The following ARHGAP44 variants were observed in gnomAD, a reference collection of about 807,000 sequenced individuals.
The protein encoded by ARHGAP44 is Rho GTPase activating protein 44, also known as rho GTPase-activating protein 44.
ARHGAP44 carries 43 observed loss-of-function variants against 106.8 expected under a neutral mutation model. The ratio of observed to expected loss-of-function variants is 0.40; its 90% CI spans 0.32 to 0.52. The LOEUF (loss-of-function observed/expected upper bound fraction) is 0.52, where lower values mean the gene tolerates loss of function less well. ARHGAP44 is among the 20% of genes least tolerant of loss of function. The pLI is 0.48. For synonymous variants in ARHGAP44, 439 were observed against 410.3 expected, an observed-to-expected ratio of 1.07 and a Z score of -0.85; for missense variants, 866 against 1,050.5, an observed-to-expected ratio of 0.82 and a Z score of 2.43.
intron 3 of ARHGAP44, among the ~76,000 whole-genome samples, chr17:12,897,581 C>T (rs916844312): frequency 1.3e-5 from 2 of 151,994 alleles, no homozygotes; most frequent in East Asian, 3.9e-4. Flanking sequence ...GCAAGAGGAA[C>T]TGTCTAAAGG....
At chr17:12,964,453 G>A (rs891346545) in intron 16 of ARHGAP44, among the ~76,000 whole-genome samples, 5 of 152,148 alleles carry the variant, frequency 3.3e-5, no homozygotes, top group African/African-American at 7.2e-5. Context: ...GGCCAGGACT[G>A]TTGAAGGACC....
At chr17:12,921,457 T>C (rs2038082698) in intron 6 of ARHGAP44, among the ~76,000 whole-genome samples, 2 of 152,208 alleles carry the variant, frequency 1.3e-5, no homozygotes, top group South Asian at 4.1e-4. Flanking sequence ...GCAATCCTTC[T>C]GCCTCAGGTC....
intron 7 of ARHGAP44, 89 bp from the exon 8 acceptor site, chr17:12,940,967 G>T: frequency 2.7e-6 from 3 of 1,130,632 alleles, no homozygotes; most frequent in East Asian, 4.8e-5. Flanking sequence ...AGTGTTTAAG[G>T]CTCTTTCTCA....
chr17:12,964,709 A>T (rs759791692), intron 16 of ARHGAP44, among the ~76,000 whole-genome samples: 3 of 152,088 alleles, frequency 2.0e-5, no homozygotes, highest in Non-Finnish European at 2.9e-5. Context: ...GCTTGAATCC[A>T]GGAGGCAGAG....
intron 16 of ARHGAP44, among the ~76,000 whole-genome samples, chr17:12,971,867 A>G (rs1424819616): frequency 6.6e-6 from 1 of 152,152 alleles, no homozygotes; most frequent in Non-Finnish European, 1.5e-5. Flanking sequence ...AAGGAAGGGG[A>G]TCAGGAAGCC....
At chr17:12,796,838 C>T (rs765059615) in intron 1 of ARHGAP44, among the ~76,000 whole-genome samples, 4 of 151,710 alleles carry the variant, frequency 2.6e-5, no homozygotes, top group Non-Finnish European at 5.9e-5. Context: ...GTCTCCTGAC[C>T]TCGTGATCTG....
intron 18 of ARHGAP44, among the ~76,000 whole-genome samples, chr17:12,977,470 C>T (rs561069857): frequency 6.6e-6 from 1 of 152,244 alleles, no homozygotes; most frequent in Non-Finnish European, 1.5e-5. Flanking sequence ...CTTTCCCTGG[C>T]TCTGTCCAGC....
intron 16 of ARHGAP44, among the ~76,000 whole-genome samples, chr17:12,970,612 C>A (rs1200433135): frequency 6.6e-6 from 1 of 152,194 alleles, no homozygotes; most frequent in Non-Finnish European, 1.5e-5. Context: ...CCTGGGAAAT[C>A]TTTGCCATCT....
intron 1 of ARHGAP44, among the ~76,000 whole-genome samples, chr17:12,841,639 C>CACAAAA (rs1555546108): frequency 1.0e-4 from 14 of 137,456 alleles, no homozygotes; most frequent in African/African-American, 4.1e-4. Flanking sequence ...CACACACACA[C>CACAAAA]AAACAAACAA....
chr17:12,830,363 C>T (rs1308663035), intron 1 of ARHGAP44, among the ~76,000 whole-genome samples: 2 of 151,860 alleles, frequency 1.3e-5, no homozygotes, highest in African/African-American at 4.8e-5. Context: ...TCTTTGACTA[C>T]TCTTGGGGTC....
At chr17:12,928,900 A>G (rs1238484387) in intron 6 of ARHGAP44, 29 bp from the exon 7 acceptor site, 1 of 1,582,502 alleles carries the variant, frequency 6.3e-7, no homozygotes, top group Non-Finnish European at 8.6e-7. Flanking sequence ...TACCTGTCTC[A>G]CATCTCTTTT....
In ARHGAP44 at chr17:12,949,094, T is replaced by C. The variant is rs2038932575; in HGVS notation, c.862-46T>C. ...GTTGCGGGGTCTCTGCGCTTTGATG[T>C]TGTACCTTGGAGTTGCTGTGCGCTG... On this transcript the variant is annotated intron_variant, in intron 10 of 20. Transcript: ENST00000379672. This position sits in a 1 kb window ranked among gnomAD's most constrained non-coding sequence, Gnocchi z 4.1. 1.1e-5 allele frequency: 17 copies of C among 1,523,786 alleles called. No individual in the cohort carries two copies. The highest frequency in any genetic ancestry group is 1.4e-5 in the Non-Finnish European group (16 of 1,123,866). 94.4% of individuals were successfully genotyped at this position (1,523,786 alleles called of 1,614,324 possible). A position where few individuals can be genotyped will look rare whatever the true frequency, so the allele number is the denominator to read the frequency against.
chr17:12,803,252 G>A lies in ARHGAP44; in HGVS notation c.53+13361G>A, dbSNP rs548246867. Among the ~76,000 whole-genome samples, 110 of 151,766 alleles carry A rather than the reference G, an allele frequency of 7.2e-4. 1 individual carries two copies. The South Asian group carries it at 0.019, about 27-fold the overall frequency. On this transcript the variant is annotated intron_variant, in intron 1 of 20. Transcript: ENST00000379672. Reference sequence around the variant, plus strand: ...CTCCCAAAGTGCTGGGATTACAAGCGTGAGCTACCGCGCCCAGCCAATTTT... The same window carrying A: ...CTCCCAAAGTGCTGGGATTACAAGCATGAGCTACCGCGCCCAGCCAATTTT...
chr17:12,899,057 A>G (rs1598019274), intron 3 of ARHGAP44, among the ~76,000 whole-genome samples: 2 of 151,688 alleles, frequency 1.3e-5, no homozygotes, highest in South Asian at 2.1e-4. Flanking sequence ...TGCAACCTCC[A>G]CCTCCCAGGT....
chr17:12,945,575 G>A (rs1007248808), intron 10 of ARHGAP44, among the ~76,000 whole-genome samples: 2 of 152,228 alleles, frequency 1.3e-5, no homozygotes, highest in South Asian at 2.1e-4. Context: ...AGAACAGTCT[G>A]TAAGTCTCTA....
At chr17:12,945,462 G>T (rs138985369) in intron 10 of ARHGAP44, among the ~76,000 whole-genome samples, 34 of 152,166 alleles carry the variant, frequency 2.2e-4, no homozygotes, top group African/African-American at 8.2e-4. Flanking sequence ...TAGGGCATGC[G>T]GTACGTGTTT....
At chr17:12,865,372 C>G (rs2036206976) in intron 1 of ARHGAP44, among the ~76,000 whole-genome samples, 1 of 152,162 alleles carries the variant, frequency 6.6e-6, no homozygotes, top group Non-Finnish European at 1.5e-5. Flanking sequence ...GTTTATTACT[C>G]TTGTAACTTA....
At chr17:12,986,982 GTT>G in intron 20 of ARHGAP44, 1 of 921,382 alleles carries the variant, frequency 1.1e-6, no homozygotes, top group Non-Finnish European at 1.6e-6. Context: ...ATCCATCATG[GTT>G]TGATGTGGCC....
chr17:12,868,052 G>A (rs7213098), intron 1 of ARHGAP44, among the ~76,000 whole-genome samples: 3,518 of 152,310 alleles, frequency 0.023, 148 homozygotes, highest in African/African-American at 0.079. Flanking sequence ...TGATGAGTCT[G>A]TTTGGGCTGC....
Sources: allele counts gnomAD v4.1 joint callset (sites outside exome capture counted in the v4.1 genomes callset), GRCh38; gene constraint gnomAD v4.1.1; non-coding constraint Gnocchi (gnomAD v3.1); transcripts MANE v1.5; gene names NCBI Gene and HGNC (gene_info 2026-07-23, HGNC 2026-07-21).